Variants in PRKAR1A observed in about 807,000 individuals in gnomAD.
PRKAR1A encodes the protein protein kinase cAMP-dependent type I regulatory subunit alpha, also known as cAMP-dependent protein kinase type I-alpha regulatory subunit.
A neutral mutation model predicts 52.0 loss-of-function variants in PRKAR1A; 3 were observed. The observed-to-expected ratio is 0.06, with a 90% CI of 0.03 to 0.15. The LOEUF (loss-of-function observed/expected upper bound fraction) is 0.15, where lower values mean the gene tolerates loss of function less well. Among genes scored for constraint, PRKAR1A ranks in the 10% least tolerant of loss-of-function variants. The pLI is 1.00. For missense variants in PRKAR1A, 240 were observed against 477.4 expected, an observed-to-expected ratio of 0.50 and a Z score of 4.63; for synonymous variants, 188 against 168.4, an observed-to-expected ratio of 1.12 and a Z score of -0.90.
At chr17:68,499,535 C>T in the PRKAR1A span, among the ~76,000 whole-genome samples, 1 of 152,280 alleles carries the variant, frequency 6.6e-6, no homozygotes, top group Admixed American at 6.5e-5. Context: ...GCCAGGCTTC[C>T]GACCAGATGG....
the PRKAR1A span, among the ~76,000 whole-genome samples, chr17:68,439,176 G>C: frequency 6.6e-6 from 1 of 152,068 alleles, no homozygotes. Flanking sequence ...ACAAAAACTT[G>C]TATATGAATG....
At chr17:68,430,095 T>G in the PRKAR1A span, 2 of 1,613,454 alleles carry the variant, frequency 1.2e-6, no homozygotes, top group South Asian at 2.2e-5. Flanking sequence ...GGTAGGGAGG[T>G]AGTTGGTAGC....
the PRKAR1A span, among the ~76,000 whole-genome samples, chr17:68,470,143 C>T: frequency 1.3e-5 from 2 of 150,426 alleles, no homozygotes; most frequent in African/African-American, 4.9e-5. Context: ...AGTGCAGTTG[C>T]GTGACCTCGG....
the PRKAR1A span, among the ~76,000 whole-genome samples, chr17:68,489,212 ATATATATATATATATATGGAAAG>A: frequency 7.8e-5 from 4 of 51,336 alleles, no homozygotes; most frequent in Admixed American, 3.2e-4. Context: ...ATATATATAT[ATATATATATATATATATGGAAAG>A]TATATATATA....
At chr17:68,465,260 C>G in the PRKAR1A span, among the ~76,000 whole-genome samples, 2 of 151,866 alleles carry the variant, frequency 1.3e-5, no homozygotes, top group Non-Finnish European at 2.9e-5. Context: ...TAAGTTACTC[C>G]TTGTCTATCT....
chr17:68,477,830 C>T, the PRKAR1A span, among the ~76,000 whole-genome samples: 3 of 152,128 alleles, frequency 2.0e-5, no homozygotes, highest in Admixed American at 6.6e-5. Context: ...TCAAGCGATT[C>T]TCCCACCTCA....
At chr17:68,550,838 C>G (rs979394024) in intron 11 of PRKAR1A, among the ~76,000 whole-genome samples, 5 of 152,244 alleles carry the variant, frequency 3.3e-5, no homozygotes, top group African/African-American at 1.2e-4. Context: ...AGCTGATCCA[C>G]TCCAACCCCT....
rs1464282639 is a variant in PRKAR1A at position 68,532,635 on chromosome 17, G to A, written c.*2186G>A. 1.9e-6 allele frequency: 2 copies of A among 1,066,062 alleles called. No homozygotes were observed. 66.0% of individuals were successfully genotyped at this position (1,066,062 alleles called of 1,614,324 possible). A position where few individuals can be genotyped will look rare whatever the true frequency, so the allele number is the denominator to read the frequency against. ...TTTACTGCTCTAGAAAGTATAGATG[G>A]CCAAAGGACCGTTTTGTATTGCTTC... On this transcript the variant is annotated 3_prime_UTR_variant, in exon 11 of 11. Coordinates refer to ENST00000589228, the MANE Select transcript of PRKAR1A (RefSeq NM_002734.5).
chr17:68,499,300 C>G, the PRKAR1A span, among the ~76,000 whole-genome samples: 1 of 152,016 alleles, frequency 6.6e-6, no homozygotes, highest in Non-Finnish European at 1.5e-5. Context: ...CCTTCTCCCT[C>G]TTAACCTATT....
At chr17:68,489,210 A>ATATATATATATATGGAAAG in the PRKAR1A span, among the ~76,000 whole-genome samples, 19 of 47,130 alleles carry the variant, frequency 4.0e-4, 2 homozygotes, top group East Asian at 1.2e-3. Flanking sequence ...ATATATATAT[A>ATATATATATATATGGAAAG]TATATATATA....
At chr17:68,536,921 A>G (rs1283867122), downstream of PRKAR1A, 2 of 454,204 alleles carry the variant, frequency 4.4e-6, no homozygotes, top group Admixed American at 4.7e-5. Context: ...ACCGGGCAGT[A>G]GGGATTACTG....
intron 11 of PRKAR1A, chr17:68,543,535 G>T: frequency 2.8e-6 from 3 of 1,083,978 alleles, no homozygotes; most frequent in South Asian, 1.3e-5. Context: ...AGGAAGAAAT[G>T]CCAGGGAGTT....
At chr17:68,465,899 C>A in the PRKAR1A span, among the ~76,000 whole-genome samples, 2,092 of 152,036 alleles carry the variant, frequency 0.014, 63 homozygotes, top group African/African-American at 0.047. Flanking sequence ...GGGGCAGAGA[C>A]CAGGTGAGAG....
At chr17:68,431,271 C>T in the PRKAR1A span, among the ~76,000 whole-genome samples, 5 of 152,286 alleles carry the variant, frequency 3.3e-5, no homozygotes, top group East Asian at 9.7e-4. Context: ...GGTTCCTTAA[C>T]GTTTCCGTGT....
chr17:68,493,534 C>T, the PRKAR1A span: 2 of 152,182 alleles, frequency 1.3e-5, no homozygotes, highest in African/African-American at 4.8e-5. Context: ...CAATCGCTTC[C>T]CACTTTGTCT....
At chr17:68,522,241 T>C (rs1181203130) in intron 2 of PRKAR1A, among the ~76,000 whole-genome samples, 1 of 152,238 alleles carries the variant, frequency 6.6e-6, no homozygotes. Flanking sequence ...GGTCTTGGCC[T>C]GGCAGATCCA....
At chr17:68,503,854 A>G in the PRKAR1A span, among the ~76,000 whole-genome samples, 1 of 152,192 alleles carries the variant, frequency 6.6e-6, no homozygotes. Flanking sequence ...ATAGCACCCC[A>G]GTTAAAATGG....
the PRKAR1A span, among the ~76,000 whole-genome samples, chr17:68,462,855 G>C: frequency 1.3e-5 from 2 of 152,180 alleles, no homozygotes; most frequent in African/African-American, 4.8e-5. Context: ...AGTACAAGGG[G>C]GAGAGTGTGG....
intron 8 of PRKAR1A, 112 bp downstream of exon 8, chr17:68,528,012 A>G (rs2085845713): frequency 1.1e-6 from 1 of 949,916 alleles, no homozygotes; most frequent in Non-Finnish European, 1.7e-6. Flanking sequence ...TTCCCCCTGA[A>G]AAGACAGAAG....
Sources: gnomAD v4.1 joint callset for allele counts (sites outside exome capture counted in the v4.1 genomes callset) on GRCh38, gnomAD v4.1.1 for gene constraint, MANE v1.5 for transcripts, NCBI Gene and HGNC (gene_info 2026-07-23, HGNC 2026-07-21) for gene names.